CTNNA2: variants seen among roughly 807,000 people sequenced by gnomAD.
The protein encoded by CTNNA2 is catenin alpha 2, also known as catenin alpha-2.
In CTNNA2, 42 loss-of-function variants were observed where a neutral mutation model predicts 101.0. The observed-to-expected ratio is 0.42, with a 90% CI of 0.32 to 0.54. The LOEUF (loss-of-function observed/expected upper bound fraction) is 0.54. Among genes scored for constraint, CTNNA2 ranks in the 20% least tolerant of loss-of-function variants. CTNNA2 has a pLI of 0.14. For missense variants in CTNNA2, 871 were observed against 1,223.1 expected (o/e 0.71, Z 4.29); for synonymous variants, 450 against 456.4 (o/e 0.99, Z 0.18).
chr2:79,706,535 T>C (rs1685396371), intron 2 of CTNNA2, among the ~76,000 whole-genome samples: 1 of 152,112 alleles, frequency 6.6e-6, no homozygotes, highest in Non-Finnish European at 1.5e-5. Flanking sequence ...TCCCATTTGG[T>C]TTAAAAATTT....
chr2:79,428,409 A>G (rs6714410), intron 4 of CTNNA2, among the ~76,000 whole-genome samples: 48,456 of 151,892 alleles, frequency 0.32, 7,862 homozygotes, highest in South Asian at 0.44. Context: ...CAAAGACGAG[A>G]ATAAGCAGAA....
intron 7 of CTNNA2, among the ~76,000 whole-genome samples, chr2:80,131,214 A>C (rs760610953): frequency 6.6e-6 from 1 of 152,022 alleles, no homozygotes; most frequent in African/African-American, 2.4e-5. Flanking sequence ...GTGCACCACC[A>C]CACCTGGCTA....
At chr2:79,918,793 A>G (rs78329337) in intron 7 of CTNNA2, among the ~76,000 whole-genome samples, 1,624 of 152,334 alleles carry the variant, frequency 0.011, 13 homozygotes, top group Non-Finnish European at 0.016. Flanking sequence ...TAAAGTTACA[A>G]AGAACATAAG....
intron 2 of CTNNA2, among the ~76,000 whole-genome samples, chr2:79,663,829 C>CCAGTATCAAACA (rs1682212570): frequency 6.6e-6 from 1 of 152,116 alleles, no homozygotes. Flanking sequence ...ATCTCCAGTA[C>CCAGTATCAAACA]CTTTGACACA....
At chr2:79,796,549 G>A (rs184331177) in intron 3 of CTNNA2, among the ~76,000 whole-genome samples, 42 of 152,280 alleles carry the variant, frequency 2.8e-4, no homozygotes, top group South Asian at 1.2e-3. Flanking sequence ...CCACAAGCGG[G>A]GCATACAACC....
At chr2:80,322,477 G>T (rs772067051) in intron 7 of CTNNA2, among the ~76,000 whole-genome samples, 22 of 152,096 alleles carry the variant, frequency 1.4e-4, no homozygotes, top group Non-Finnish European at 2.6e-4. Flanking sequence ...ACTTAATCCC[G>T]AGAGGCAATT....
intron 3 of CTNNA2, among the ~76,000 whole-genome samples, chr2:79,338,572 C>CTCTTCTTCT (rs1206814071): frequency 8.5e-4 from 108 of 127,234 alleles, no homozygotes; most frequent in Non-Finnish European, 1.0e-3. Context: ...CTTCTTCCTC[C>CTCTTCTTCT]TCATCATCTT....
intron 9 of CTNNA2, among the ~76,000 whole-genome samples, chr2:80,535,903 ATTC>A (rs1690970006): frequency 6.6e-6 from 1 of 152,126 alleles, no homozygotes; most frequent in Non-Finnish European, 1.5e-5. Context: ...CTCCTACAAT[ATTC>A]TTCTGGGCAG....
At chr2:79,281,690 A>G (rs989109504) in intron 2 of CTNNA2, among the ~76,000 whole-genome samples, 3 of 152,310 alleles carry the variant, frequency 2.0e-5, no homozygotes, top group Admixed American at 2.0e-4. Context: ...TGACAAGTGA[A>G]CTTTCTGAAA....
Position 80,303,687 on chromosome 2 carries a change from A to G in CTNNA2, c.1057-89524A>G. On this transcript the variant is annotated intron_variant, in intron 7 of 18. Coordinates refer to ENST00000402739, the MANE Select transcript of CTNNA2 (RefSeq NM_001282597.3). This position sits in a 1 kb window ranked among gnomAD's most constrained non-coding sequence, Gnocchi z 7.7. ...TCGCAGTACAGCAGCCGCCCCTCGC[A>G]CCGGCACAGCTGCGGGCACCCGCTG... The G allele has an allele frequency of 6.2e-7, 1 of 1,610,720 alleles. No individual in the cohort carries two copies. Among genetic ancestry groups the G allele is most frequent in the Non-Finnish European group, 8.5e-7 (1 of 1,178,134 alleles).
chr2:79,268,067 G>A (rs1675009567), intron 2 of CTNNA2, among the ~76,000 whole-genome samples: 1 of 152,106 alleles, frequency 6.6e-6, no homozygotes, highest in African/African-American at 2.4e-5. Context: ...AGTGAGGGGA[G>A]AGCCAGTGAT....
At chr2:80,124,849 A>G (rs1366842183) in intron 7 of CTNNA2, among the ~76,000 whole-genome samples, 3 of 152,176 alleles carry the variant, frequency 2.0e-5, no homozygotes, top group Non-Finnish European at 4.4e-5. Context: ...GGAGAGTTTT[A>G]GAAACATGTC....
intron 7 of CTNNA2, chr2:80,028,174 T>A (rs781760391): frequency 6.6e-6 from 1 of 152,142 alleles, no homozygotes; most frequent in South Asian, 2.1e-4. Context: ...CTCCCACTGA[T>A]GAGAGCTTAA....
At chr2:80,260,412 A>C (rs554622160) in intron 7 of CTNNA2, among the ~76,000 whole-genome samples, 1 of 152,276 alleles carries the variant, frequency 6.6e-6, no homozygotes, top group Admixed American at 6.5e-5. Flanking sequence ...TGGTATCTAC[A>C]ACTCTGTCTT....
At chr2:79,298,727 C>T (rs1009054092) in intron 2 of CTNNA2, among the ~76,000 whole-genome samples, 3 of 152,234 alleles carry the variant, frequency 2.0e-5, no homozygotes, top group Non-Finnish European at 1.5e-5. Context: ...AGTCAAAAAT[C>T]TCTCCAGAGC....
intron 3 of CTNNA2, among the ~76,000 whole-genome samples, chr2:79,338,492 T>C (rs1334322788): frequency 1.3e-5 from 2 of 151,942 alleles, no homozygotes; most frequent in Non-Finnish European, 2.9e-5. Context: ...TCAGAACAGG[T>C]AGTGAAAAAG....
At chr2:79,447,768 C>T (rs1270048046) in intron 4 of CTNNA2, among the ~76,000 whole-genome samples, 4 of 152,036 alleles carry the variant, frequency 2.6e-5, no homozygotes, top group Non-Finnish European at 5.9e-5. Flanking sequence ...TTACCCAATA[C>T]TCAGCTCACA....
chr2:79,697,562 G>T (rs1684725877), intron 2 of CTNNA2, among the ~76,000 whole-genome samples: 2 of 152,050 alleles, frequency 1.3e-5, no homozygotes, highest in Non-Finnish European at 2.9e-5. Context: ...TTGCATTGCA[G>T]ACCTCCTTGC....
intron 7 of CTNNA2, among the ~76,000 whole-genome samples, chr2:80,002,549 T>G (rs1433139451): frequency 6.6e-6 from 1 of 151,892 alleles, no homozygotes; most frequent in Admixed American, 6.6e-5. Flanking sequence ...GAACCTGAGG[T>G]TGTGCAATAA....
Sources: allele counts gnomAD v4.1 joint callset (sites outside exome capture counted in the v4.1 genomes callset), GRCh38; gene constraint gnomAD v4.1.1; non-coding constraint Gnocchi (gnomAD v3.1); transcripts MANE v1.5; gene names NCBI Gene and HGNC (gene_info 2026-07-23, HGNC 2026-07-21).